Variants in RAB27B observed in about 807,000 individuals in gnomAD.
RAB27B encodes the protein ras-related protein Rab-27B.
In RAB27B, 15 loss-of-function variants were observed where a neutral mutation model predicts 24.6. The ratio of observed to expected loss-of-function variants is 0.61; its 90% CI spans 0.41 to 0.94. RAB27B has a LOEUF of 0.94. Ranked by LOEUF, RAB27B falls within the 40% of genes least tolerant of loss-of-function variation. The pLI is 0.00. For synonymous variants in RAB27B, 105 were observed against 92.5 expected, an observed-to-expected ratio of 1.14 and a Z score of -0.78; for missense variants, 261 against 266.8, an observed-to-expected ratio of 0.98 and a Z score of 0.15.
At chr18:54,746,726 T>G (rs1048770082) in intron 2 of RAB27B, among the ~76,000 whole-genome samples, 1 of 152,202 alleles carries the variant, frequency 6.6e-6, no homozygotes, top group Non-Finnish European at 1.5e-5. Context: ...AGAATAATAG[T>G]GCCTTCATCA....
intron 2 of RAB27B, among the ~76,000 whole-genome samples, chr18:54,784,300 T>C (rs1175261748): frequency 1.3e-5 from 2 of 152,200 alleles, no homozygotes; most frequent in African/African-American, 2.4e-5. Flanking sequence ...TTTTTAAACA[T>C]TGTATTTTTC....
chr18:54,736,039 G>A (rs1309724452), intron 2 of RAB27B, among the ~76,000 whole-genome samples: 1 of 152,118 alleles, frequency 6.6e-6, no homozygotes, highest in Non-Finnish European at 1.5e-5. Flanking sequence ...CCAAAATATA[G>A]TATGTATTAC....
chr18:54,788,573 G>A (rs1408240848), intron 2 of RAB27B, among the ~76,000 whole-genome samples: 3 of 152,194 alleles, frequency 2.0e-5, no homozygotes, highest in Non-Finnish European at 4.4e-5. Flanking sequence ...AAAGTGCTGT[G>A]ATTACAGGCA....
At chr18:54,719,692 G>A (rs1390055841) in intron 2 of RAB27B, among the ~76,000 whole-genome samples, 3 of 151,856 alleles carry the variant, frequency 2.0e-5, no homozygotes, top group East Asian at 1.9e-4. Context: ...TTGCATTGGT[G>A]CACCTACAAT....
intron 2 of RAB27B, among the ~76,000 whole-genome samples, chr18:54,723,071 G>C (rs1033666133): frequency 6.6e-6 from 1 of 152,208 alleles, no homozygotes; most frequent in Non-Finnish European, 1.5e-5. Context: ...TTCCAATCTT[G>C]TAAAAGAAAA....
chr18:54,797,007 CAG>C (rs1415150934), intron 2 of RAB27B, among the ~76,000 whole-genome samples: 1 of 152,204 alleles, frequency 6.6e-6, no homozygotes, highest in African/African-American at 2.4e-5. Flanking sequence ...ATTTCAGAAA[CAG>C]AGATGCAGAC....
At chr18:54,777,709 C>T (rs536169963) in intron 2 of RAB27B, among the ~76,000 whole-genome samples, 1 of 152,214 alleles carries the variant, frequency 6.6e-6, no homozygotes, top group Admixed American at 6.5e-5. Flanking sequence ...TCTTAATTTT[C>T]CATTTTATCT....
chr18:54,727,936 C>T (rs1454310817), intron 2 of RAB27B, among the ~76,000 whole-genome samples: 3 of 152,170 alleles, frequency 2.0e-5, no homozygotes, highest in African/African-American at 7.2e-5. Context: ...GATAATCACA[C>T]TCCACGCTAC....
At chr18:54,735,281 C>G (rs1909853787) in intron 2 of RAB27B, among the ~76,000 whole-genome samples, 2 of 152,146 alleles carry the variant, frequency 1.3e-5, no homozygotes, top group Admixed American at 1.3e-4. Flanking sequence ...TGAAACGTGG[C>G]TACTTAAATG....
intron 2 of RAB27B, chr18:54,745,221 G>T (rs1226318230): frequency 1.1e-5 from 2 of 184,394 alleles, no homozygotes; most frequent in Non-Finnish European, 2.3e-5. Context: ...GCCATCCCAT[G>T]TAACAACAAG....
At chr18:54,764,650 CTCTT>C (rs146394824) in intron 2 of RAB27B, among the ~76,000 whole-genome samples, 6,651 of 152,278 alleles carry the variant, frequency 0.044, 206 homozygotes, top group Admixed American at 0.082. Flanking sequence ...ATCCTATTCT[CTCTT>C]AGAATTTTCC....
At position 54,746,217 on chromosome 18, in the gene RAB27B, G is replaced by A. The variant is rs56080368; in HGVS notation, c.-20+28076G>A. The stretch of plus-strand genomic sequence containing the variant: ...AACTGAAGAAAAACTTGAAGATTAC[G>A]CCAGTGTCATCAGATGGCAAGAATA... On this transcript the variant is annotated intron_variant, in intron 2 of 4. Coordinates refer to the RAB27B transcript ENST00000586570. Among the ~76,000 whole-genome samples, 363 of 152,280 alleles carry A rather than the reference G, an allele frequency of 2.4e-3. 2 individuals carry two copies. Among genetic ancestry groups the A allele is most frequent in the African/African-American group, 8.5e-3 (353 of 41,564 alleles).
intron 2 of RAB27B, among the ~76,000 whole-genome samples, chr18:54,800,509 C>T (rs566860436): frequency 6.6e-6 from 1 of 152,306 alleles, no homozygotes; most frequent in East Asian, 1.9e-4. Context: ...TTGATGAAGA[C>T]CATTTCATTT....
intron 2 of RAB27B, among the ~76,000 whole-genome samples, chr18:54,799,005 TTTA>T (rs1387175600): frequency 6.6e-6 from 1 of 152,190 alleles, no homozygotes. Context: ...AGGACTGTCT[TTTA>T]TTCAAATTTT....
chr18:54,869,376 T>C (rs549668639), intron 1 of RAB27B, among the ~76,000 whole-genome samples: 2 of 152,326 alleles, frequency 1.3e-5, no homozygotes, highest in Admixed American at 1.3e-4. Flanking sequence ...CATGGAAAAG[T>C]CCTTTCCCAA....
intron 1 of RAB27B, among the ~76,000 whole-genome samples, chr18:54,833,225 T>C (rs1046416191): frequency 5.9e-5 from 6 of 101,884 alleles, no homozygotes; most frequent in Non-Finnish European, 1.3e-4. Flanking sequence ...TTTCTTTTTT[T>C]CTTTCTTTCT....
rs1020262456 is a variant in RAB27B at position 54,889,918 on chromosome 18, A to G, written c.*505A>G. ...AAGAATTCTATTTGGCTAATTAAGA[A>G]TGATATACTATGTACACCCAATAAG... On this transcript the variant is annotated 3_prime_UTR_variant, in exon 6 of 6. Coordinates refer to ENST00000262094, the MANE Select transcript of RAB27B (RefSeq NM_004163.4). The G allele has an allele frequency of 6.5e-6, 1 of 153,000 alleles. No homozygotes were observed. The highest frequency in any genetic ancestry group is 1.5e-5 in the Non-Finnish European group (1 of 68,684). 9.5% of individuals were successfully genotyped at this position (153,000 alleles called of 1,614,324 possible).
chr18:54,850,357 T>TATATATATATATATAC (rs1264669719), intron 1 of RAB27B, among the ~76,000 whole-genome samples: 11 of 130,576 alleles, frequency 8.4e-5, no homozygotes, highest in South Asian at 2.4e-4. Context: ...TATATATATA[T>TATATATATATATATAC]ATACATACAT....
intron 2 of RAB27B, among the ~76,000 whole-genome samples, chr18:54,741,560 C>T (rs1188523563): frequency 6.6e-6 from 1 of 152,112 alleles, no homozygotes; most frequent in Non-Finnish European, 1.5e-5. Flanking sequence ...GTGGTACAAT[C>T]TCAGCTCACT....
Sources: gnomAD v4.1 joint callset for allele counts (sites outside exome capture counted in the v4.1 genomes callset) on GRCh38, gnomAD v4.1.1 for gene constraint, MANE v1.5 for transcripts, NCBI Gene and HGNC (gene_info 2026-07-23, HGNC 2026-07-21) for gene names.